TTN: variants seen among roughly 807,000 people sequenced by gnomAD.
TTN encodes connectin.
A neutral mutation model predicts 3,223.0 loss-of-function variants in TTN; 1,525 were observed. The observed-to-expected ratio is 0.47, with a 90% CI of 0.45 to 0.49. The LOEUF (loss-of-function observed/expected upper bound fraction) is 0.49, where lower values mean the gene tolerates loss of function less well. Among genes scored for constraint, TTN ranks in the 20% least tolerant of loss-of-function variants. The pLI, the probability that TTN is intolerant of heterozygous loss-of-function variation, is 0.00. For missense variants in TTN, 40,786 were observed against 43,424.0 expected, an observed-to-expected ratio of 0.94 and a Z score of 5.40; for synonymous variants, 14,094 against 15,161.0, an observed-to-expected ratio of 0.93 and a Z score of 5.17.
intron 159 of TTN, among the ~76,000 whole-genome samples, chr2:178,668,951 T>C (rs563864574): frequency 1.3e-5 from 2 of 151,854 alleles, no homozygotes; most frequent in Admixed American, 1.3e-4. Flanking sequence ...TTTGAGCAGT[T>C]TTGCCAAAAT....
rs1160027812 is a variant in TTN, at chr2:178,535,229, C to T, written c.101386G>A (p.Val33796Ile). 3.1e-6 allele frequency: 5 copies of T among 1,613,776 alleles called. No individual in the cohort carries two copies. The highest frequency in any genetic ancestry group is 2.7e-5 in the African/African-American group (2 of 74,898). Residue 33796 changes from valine (V) to isoleucine (I), a missense_variant, in exon 358 of 363, where the codon GTA becomes ATA. Transcript: ENST00000589042. Reference sequence around the variant, plus strand: ...ATGGAGACTTCCCTGGTTTCATCTACCTCTTCATCATAGTTCATAGCTCTG... The same window carrying T: ...ATGGAGACTTCCCTGGTTTCATCTATCTCTTCATCATAGTTCATAGCTCTG... ...KTRAMNYDEE[V>I]DETREVSMTK...
chr2:178,766,006 C>T (rs1354537513), intron 41 of TTN, among the ~76,000 whole-genome samples: 3 of 152,134 alleles, frequency 2.0e-5, no homozygotes, highest in Admixed American at 1.3e-4. Context: ...AGGCTGGAAA[C>T]ACCCCTTTCA....
intron 90 of TTN, 65 bp downstream of exon 90, chr2:178,714,921 G>T: frequency 6.5e-7 from 1 of 1,538,208 alleles, no homozygotes; most frequent in South Asian, 1.3e-5. Flanking sequence ...CTGGGGTGGA[G>T]GGGGCAACAG....
In TTN at chr2:178,579,396, G is replaced by A. The variant is rs372793961; in HGVS notation, c.67637-3C>T. ...CTTTAAGTCAAGATCAGGAGCCACT[G>A]TAAAATAGCAGAGATAAATTACTGT... is the stretch of plus-strand genomic sequence containing the variant. On this transcript the variant is annotated splice_region_variant and splice_polypyrimidine_tract_variant and intron_variant, in intron 319 of 362. Transcript: ENST00000589042. The A allele has an allele frequency of 1.3e-6, 2 of 1,559,658 alleles. No homozygotes were observed. The highest frequency in any genetic ancestry group is 1.2e-5 in the South Asian group (1 of 82,696).
chr2:178,593,562 G>A lies in TTN; in HGVS notation c.58732+6C>T, dbSNP rs778350235. ...TTGAATCACTAAAAAGAAACATAAT[G>A]CATACTGAAACGATCTTTGGCTTTC... On this transcript the variant is annotated splice_donor_region_variant and intron_variant, in intron 298 of 362. Coordinates refer to ENST00000589042, the MANE Select transcript of TTN (RefSeq NM_001267550.2). 3.5e-5 allele frequency: 57 copies of A among 1,609,722 alleles called. No homozygotes were observed. The highest frequency in any genetic ancestry group is 3.5e-5 in the Non-Finnish European group (41 of 1,178,708).
At chr2:178,778,563 A>G in intron 24 of TTN, 1 of 388,488 alleles carries the variant, frequency 2.6e-6, no homozygotes, top group South Asian at 2.3e-5. Context: ...CCAAACCAAT[A>G]ATAGTCATCT....
chr2:178,683,970 T>TC (rs2070132305), intron 133 of TTN, 29 bp downstream of exon 133: 1 of 880,018 alleles, frequency 1.1e-6, no homozygotes, highest in East Asian at 3.7e-5. Flanking sequence ...TTATTTTGAT[T>TC]TTTTTTTTTT....
In TTN at chr2:178,782,335, G is replaced by C; in HGVS notation, c.3257C>G (p.Thr1086Arg). Residue 1086 changes from threonine (T) to arginine (R), a missense_variant, in exon 20 of 363, where the codon ACA (threonine) becomes AGA (arginine). Physicochemically the swap from Thr to Arg is moderately conservative, Grantham distance 71. Transcript: ENST00000589042. ...PGEPAAPYFI[T>R]KPVVQKLVEG... Reference sequence around the variant, plus strand: ...CACCAGTTTCTGGACCACTGGTTTTGTAATAAAGTAAGGCGCGGCAGGTTC... The same window carrying C: ...CACCAGTTTCTGGACCACTGGTTTTCTAATAAAGTAAGGCGCGGCAGGTTC... The C allele has an allele frequency of 6.2e-7, 1 of 1,614,110 alleles. No homozygotes were observed.
chr2:178,783,217 T>C (rs1423091932), intron 17 of TTN, among the ~76,000 whole-genome samples, 153 bp from the exon 18 acceptor site: 1 of 141,364 alleles, frequency 7.1e-6, no homozygotes, highest in South Asian at 2.3e-4. Flanking sequence ...GAGAAACTAA[T>C]ATTTATATAA....
At position 178,645,909 on chromosome 2, in the gene TTN, G is replaced by GCATT. The variant is rs397517560; in HGVS notation, c.40408+7_40408+10dup. Reference sequence around the variant, plus strand: ...GCAGGCTAATAAAACTTTGGAAGTGGCATTTTTTACCTTTAAGTTGGAATA... The same window carrying GCATT: ...GCAGGCTAATAAAACTTTGGAAGTGGCATTCATTTTTTACCTTTAAGTTGGAATA... On this transcript the variant is annotated intron_variant, in intron 217 of 362. Coordinates refer to ENST00000589042, the MANE Select transcript of TTN (RefSeq NM_001267550.2). 433 of 1,515,786 alleles carry GCATT rather than the reference G, an allele frequency of 2.9e-4. 7 individuals are homozygous for GCATT. The South Asian group carries it at 5.2e-3, about 18-fold the overall frequency. 93.9% of individuals were successfully genotyped at this position (1,515,786 alleles called of 1,614,324 possible).
chr2:178,679,295 G>T, intron 142 of TTN, 44 bp downstream of exon 142: 1 of 1,589,058 alleles, frequency 6.3e-7, no homozygotes, highest in Non-Finnish European at 8.6e-7. Flanking sequence ...ATGCTGCATG[G>T]GTGAATTATC....
intron 135 of TTN, among the ~76,000 whole-genome samples, 169 bp from the exon 136 acceptor site, chr2:178,681,907 T>G (rs904019245): frequency 6.6e-6 from 1 of 152,006 alleles, no homozygotes; most frequent in African/African-American, 2.4e-5. Flanking sequence ...ATATTGCCCT[T>G]TCCTTCTTGC....
At chr2:178,737,129 G>A (rs1425481303) in intron 49 of TTN, among the ~76,000 whole-genome samples, 4 of 151,934 alleles carry the variant, frequency 2.6e-5, no homozygotes, top group Non-Finnish European at 5.9e-5. Flanking sequence ...GGGAAGGAGG[G>A]AAGGAAGGAA....
At position 178,773,898 on chromosome 2, in the gene TTN, T is replaced by C; in HGVS notation, c.7270A>G (p.Asn2424Asp). The change falls in exon 31 of 363, where the codon AAT becomes GAT. Residue 2424 changes from asparagine to aspartate, a missense_variant. By Grantham distance (23) the Asn-to-Asp change is conservative. Transcript: ENST00000589042. The part of the protein sequence containing the change: ...IEDMTKEDAG[N>D]YSFTIPALGL... ...AGGGCTGGAATGGTGAAAGAGTAAT[T>C]TCCAGCATCTTCCTTAGTCATGTCT... 2 of 1,614,080 alleles carry C rather than the reference T, an allele frequency of 1.2e-6. No individual in the cohort carries two copies. Among genetic ancestry groups the C allele is most frequent in the Non-Finnish European group, 1.7e-6 (2 of 1,179,974 alleles).
chr2:178,738,861 T>G (rs2081987128), intron 48 of TTN, among the ~76,000 whole-genome samples: 1 of 152,192 alleles, frequency 6.6e-6, no homozygotes, highest in African/African-American at 2.4e-5. Context: ...TATCTTCATA[T>G]GAAAATTAAC....
At position 178,722,679 on chromosome 2, in the gene TTN, T is replaced by C; in HGVS notation, c.22220A>G (p.Lys7407Arg). 6.2e-7 allele frequency: 1 copy of C among 1,612,458 alleles called. No homozygotes were observed. Among genetic ancestry groups the C allele is most frequent in the South Asian group, 1.1e-5 (1 of 90,836 alleles). Reference sequence around the variant, plus strand: ...ATCACCTTGAATTCTGAACACAGTCTTAGAAGAAGCAGTTCCTATACTATT... The same window carrying C: ...ATCACCTTGAATTCTGAACACAGTCCTAGAAGAAGCAGTTCCTATACTATT... The part of the protein sequence containing the change: ...AENSIGTASS[K>R]TVFRIQERQL... The change falls in exon 76 of 363, where the codon AAG (lysine) becomes AGG (arginine). Residue 7407 changes from lysine to arginine, a missense_variant. Lys to Arg is a conservative substitution (Grantham distance 26). Coordinates refer to ENST00000589042, the MANE Select transcript of TTN (RefSeq NM_001267550.2).
chr2:178,603,855 C>T (rs1292225260), intron 282 of TTN, 21 bp downstream of exon 282: 2 of 1,518,568 alleles, frequency 1.3e-6, no homozygotes, highest in Admixed American at 1.8e-5. Flanking sequence ...AATTAGTCCC[C>T]AGAAACGGAA....
chr2:178,631,393 G>T, intron 236 of TTN, 93 bp from the exon 237 acceptor site: 1 of 1,342,052 alleles, frequency 7.5e-7, no homozygotes, highest in Non-Finnish European at 1.0e-6. Flanking sequence ...ACAGAGTTCT[G>T]AGTATCTTTT....
chr2:178,689,263 G>T, intron 124 of TTN, 27 bp downstream of exon 124: 1 of 1,608,458 alleles, frequency 6.2e-7, no homozygotes, highest in Non-Finnish European at 8.5e-7. Context: ...CATAAAGACA[G>T]TTCTTGGGAA....
Sources: allele counts gnomAD v4.1 joint callset (sites outside exome capture counted in the v4.1 genomes callset), GRCh38; gene constraint gnomAD v4.1.1; transcripts MANE v1.5; gene names NCBI Gene and HGNC (gene_info 2026-07-23, HGNC 2026-07-21).